Variants in ZNF680 observed in about 807,000 individuals in gnomAD.
ZNF680 encodes the protein zinc finger protein 680.
In ZNF680, 6 loss-of-function variants were observed where a neutral mutation model predicts 12.1. That is an observed-to-expected ratio of 0.49 (90% CI 0.27 to 0.98). The LOEUF is 0.98. Ranked by LOEUF, ZNF680 falls within the 50% of genes least tolerant of loss-of-function variation. The pLI is 0.12. For synonymous variants in ZNF680, 170 were observed against 199.3 expected, an observed-to-expected ratio of 0.85 and a Z score of 1.24; for missense variants, 561 against 616.3, an observed-to-expected ratio of 0.91 and a Z score of 0.95.
At chr7:64,519,282 C>T (rs575307487), downstream of ZNF680, among the ~76,000 whole-genome samples, 10 of 151,810 alleles carry the variant, frequency 6.6e-5, no homozygotes, top group Non-Finnish European at 1.3e-4. Context: ...ATGAAAATCA[C>T]AATATGATAC....
chr7:64,547,465 T>C (rs990675076), intron 1 of ZNF680, among the ~76,000 whole-genome samples: 1 of 152,236 alleles, frequency 6.6e-6, no homozygotes, highest in African/African-American at 2.4e-5. Flanking sequence ...GCGTAACGTT[T>C]ATTAAGCAGG....
At chr7:64,537,616 A>G (rs2116457967) in intron 3 of ZNF680, among the ~76,000 whole-genome samples, 1 of 152,312 alleles carries the variant, frequency 6.6e-6, no homozygotes, top group East Asian at 1.9e-4. Flanking sequence ...TGACACAATG[A>G]CATATAAAGA....
chr7:64,512,407 C>T, the ZNF680 span, among the ~76,000 whole-genome samples: 22 of 147,230 alleles, frequency 1.5e-4, no homozygotes, highest in Admixed American at 9.0e-4. Context: ...GAGCCAAGAT[C>T]GCACCATTGC....
intron 3 of ZNF680, among the ~76,000 whole-genome samples, chr7:64,538,186 G>GA: frequency 1.3e-5 from 2 of 151,924 alleles, no homozygotes; most frequent in South Asian, 2.1e-4. Context: ...AAAAATATAG[G>GA]AAAAAAACAT....
At chr7:64,550,167 C>T (rs1786998660) in intron 1 of ZNF680, among the ~76,000 whole-genome samples, 1 of 152,132 alleles carries the variant, frequency 6.6e-6, no homozygotes, top group South Asian at 2.1e-4. Flanking sequence ...TGGACTGATA[C>T]AAAGTTGTTA....
chr7:64,517,905 A>G (rs1336986064), downstream of ZNF680, among the ~76,000 whole-genome samples: 1 of 152,088 alleles, frequency 6.6e-6, no homozygotes. Flanking sequence ...TAAAACCCTC[A>G]GCAAAATCTG....
chr7:64,530,972 G>A (rs954633828), intron 3 of ZNF680, among the ~76,000 whole-genome samples: 24 of 151,600 alleles, frequency 1.6e-4, no homozygotes, highest in Non-Finnish European at 2.5e-4. Flanking sequence ...TAACATTGGA[G>A]CTTCTAAATT....
intron 1 of ZNF680, among the ~76,000 whole-genome samples, chr7:64,553,761 T>C (rs1366673159): frequency 6.6e-6 from 1 of 152,150 alleles, no homozygotes; most frequent in Non-Finnish European, 1.5e-5. Context: ...GGTTTTCGCA[T>C]TTTTTGGTGG....
At chr7:64,557,248 C>T (rs866202596) in intron 1 of ZNF680, among the ~76,000 whole-genome samples, 3 of 147,534 alleles carry the variant, frequency 2.0e-5, no homozygotes, top group Admixed American at 1.4e-4. Flanking sequence ...GAGACACTGT[C>T]TCAAAAAAAA....
At chr7:64,517,159 T>C (rs377368544), downstream of ZNF680, among the ~76,000 whole-genome samples, 4 of 151,918 alleles carry the variant, frequency 2.6e-5, no homozygotes, top group South Asian at 8.3e-4. Flanking sequence ...AAATGAAACA[T>C]AAACCTGGTT....
chr7:64,508,147 A>ATATATATATATATAT, the ZNF680 span, among the ~76,000 whole-genome samples: 60 of 135,174 alleles, frequency 4.4e-4, no homozygotes, highest in African/African-American at 1.4e-3. Context: ...ATATATACAT[A>ATATATATATATATAT]ATTTTTTTTT....
intron 3 of ZNF680, among the ~76,000 whole-genome samples, chr7:64,536,304 A>G (rs1786164882): frequency 6.6e-6 from 1 of 152,200 alleles, no homozygotes; most frequent in African/African-American, 2.4e-5. Flanking sequence ...ATAAAGAAAC[A>G]TGTTTATTTG....
intron 1 of ZNF680, among the ~76,000 whole-genome samples, chr7:64,562,413 T>C (rs1198049016): frequency 2.0e-5 from 3 of 152,198 alleles, no homozygotes; most frequent in African/African-American, 2.4e-5. Flanking sequence ...TAACCGATTA[T>C]TGAATTTGGT....
At chr7:64,536,017 A>G (rs1786145957) in intron 3 of ZNF680, among the ~76,000 whole-genome samples, 1 of 152,162 alleles carries the variant, frequency 6.6e-6, no homozygotes, top group Non-Finnish European at 1.5e-5. Flanking sequence ...ATATAATGGT[A>G]AGTAAAATGG....
At chr7:64,526,981 T>C (rs1791885442) in intron 3 of ZNF680, among the ~76,000 whole-genome samples, 1 of 152,230 alleles carries the variant, frequency 6.6e-6, no homozygotes, top group South Asian at 2.1e-4. Flanking sequence ...CTCACACCTG[T>C]AATCCCTGCA....
In ZNF680 at chr7:64,522,130, ATT is replaced by A; in HGVS notation, c.622_623del (p.Asn208PhefsTer5). 6.2e-7 allele frequency: 1 copy of A among 1,611,570 alleles called. No individual in the cohort carries two copies. On this transcript the variant is annotated frameshift_variant, in exon 4 of 4. Transcript: ENST00000309683. LOFTEE classifies it low-confidence loss of function (END_TRUNC). Reference protein sequence around the residue: ...TQHIRIHTRENSYKCEECGKV... With the variant: ...TQHIRIHTREXSYKCEECGKV... The stretch of plus-strand genomic sequence containing the variant: ...TGCCACATTCCTCACATTTGTAAGA[ATT>A]CTCTCTAGTGTGAATTCTTATATGT...
At chr7:64,560,413 C>T (rs1259724559) in intron 1 of ZNF680, among the ~76,000 whole-genome samples, 1 of 152,076 alleles carries the variant, frequency 6.6e-6, no homozygotes, top group South Asian at 2.1e-4. Flanking sequence ...TGCACTCGGC[C>T]GGAAATGTAT....
chr7:64,524,243 G>C (rs1791712026), intron 3 of ZNF680, among the ~76,000 whole-genome samples: 1 of 151,564 alleles, frequency 6.6e-6, no homozygotes, highest in Admixed American at 6.6e-5. Flanking sequence ...TGCCTTCCGG[G>C]TTCAAGCGAT....
At chr7:64,526,141 T>C in intron 3 of ZNF680, 1 of 919,660 alleles carries the variant, frequency 1.1e-6, no homozygotes, top group Non-Finnish European at 1.3e-6. Flanking sequence ...GTAAAACTTA[T>C]TGGACACCAT....
Sources: gnomAD v4.1 joint callset for allele counts (sites outside exome capture counted in the v4.1 genomes callset) on GRCh38, gnomAD v4.1.1 for gene constraint, MANE v1.5 for transcripts, NCBI Gene and HGNC (gene_info 2026-07-23, HGNC 2026-07-21) for gene names.